Variants in SKP2 observed in about 807,000 individuals in gnomAD.
SKP2 encodes the protein S-phase kinase-associated protein 2.
In SKP2, 16 loss-of-function variants were observed where a neutral mutation model predicts 51.8. The observed-to-expected ratio is 0.31, with a 90% confidence interval of 0.21 to 0.47. The LOEUF is 0.47. Ranked by LOEUF, SKP2 falls within the 20% of genes least tolerant of loss-of-function variation. The pLI is 1.00. For synonymous variants in SKP2, 176 were observed against 198.6 expected (o/e 0.89, Z 0.96); for missense variants, 377 against 505.3 (o/e 0.75, Z 2.43).
downstream of SKP2, among the ~76,000 whole-genome samples, chr5:36,185,754 A>G (rs1175460143): frequency 6.6e-6 from 1 of 152,116 alleles, no homozygotes; most frequent in African/African-American, 2.4e-5. Context: ...TTGGTTCCAT[A>G]TGAACTTTAA....
intron 6 of SKP2, among the ~76,000 whole-genome samples, chr5:36,190,750 C>G (rs1210870929): frequency 1.3e-5 from 2 of 148,934 alleles, no homozygotes; most frequent in Admixed American, 6.7e-5. Flanking sequence ...GTCATTGATT[C>G]CTGGCCAATC....
intron 2 of SKP2, chr5:36,155,021 C>A (rs1232242157): frequency 6.6e-6 from 1 of 152,170 alleles, no homozygotes; most frequent in Non-Finnish European, 1.5e-5. Flanking sequence ...AAGATGAAGT[C>A]TTGCAGACCC....
intron 4 of SKP2, among the ~76,000 whole-genome samples, chr5:36,167,923 TC>T (rs1745341966): frequency 6.6e-6 from 1 of 152,276 alleles, no homozygotes; most frequent in South Asian, 2.1e-4. Context: ...CAGCCTGGTC[TC>T]CCTTTAAAAC....
chr5:36,177,762 T>C (rs1167245761), intron 9 of SKP2, among the ~76,000 whole-genome samples: 2 of 152,030 alleles, frequency 1.3e-5, no homozygotes, highest in African/African-American at 2.4e-5. Context: ...TGGAAAGATA[T>C]AAGCCTGTAG....
chr5:36,192,222 T>TAA (rs1326238058), intron 6 of SKP2, among the ~76,000 whole-genome samples: 4 of 152,204 alleles, frequency 2.6e-5, no homozygotes, highest in African/African-American at 7.2e-5. Flanking sequence ...CTTTTAATGT[T>TAA]AAAGTCAAGA....
At chr5:36,190,447 T>C (rs1372068628) in intron 6 of SKP2, among the ~76,000 whole-genome samples, 1 of 91,908 alleles carries the variant, frequency 1.1e-5, no homozygotes, top group South Asian at 5.5e-4. Flanking sequence ...AGGAGTATTA[T>C]CAATAAAAGT....
chr5:36,155,195 G>T (rs1285553326), intron 2 of SKP2: 7 of 138,928 alleles, frequency 5.0e-5, no homozygotes, highest in African/African-American at 1.9e-4. Flanking sequence ...AGGAAGACAT[G>T]CGGATTCGAG....
At chr5:36,161,833 G>C (rs544315083) in intron 2 of SKP2, among the ~76,000 whole-genome samples, 5 of 152,348 alleles carry the variant, frequency 3.3e-5, no homozygotes, top group African/African-American at 1.2e-4. Context: ...AGTAGGAGGA[G>C]AGAATATCAC....
chr5:36,187,187 C>G (rs536281203), downstream of SKP2, among the ~76,000 whole-genome samples: 13 of 152,004 alleles, frequency 8.6e-5, no homozygotes, highest in Admixed American at 2.6e-4. Context: ...AAAAAACCAG[C>G]TCCTGGATTC....
At chr5:36,171,148 C>T (rs1213281329) in intron 6 of SKP2, among the ~76,000 whole-genome samples, 3 of 152,166 alleles carry the variant, frequency 2.0e-5, no homozygotes, top group East Asian at 1.9e-4. Context: ...CTGAAACCCT[C>T]GTTTTTGCTC....
At chr5:36,168,835 G>A (rs1170577357) in intron 5 of SKP2, among the ~76,000 whole-genome samples, 1 of 152,234 alleles carries the variant, frequency 6.6e-6, no homozygotes, top group Non-Finnish European at 1.5e-5. Context: ...AACTATTTAT[G>A]AGCAAGACAG....
intron 5 of SKP2, 132 bp downstream of exon 5, chr5:36,168,579 T>A: frequency 1.2e-6 from 1 of 826,368 alleles, no homozygotes; most frequent in East Asian, 2.6e-5. Flanking sequence ...GTGCTCTAGC[T>A]TCTGCAAAAC....
chr5:36,171,932 G>A (rs1479657822), intron 7 of SKP2, among the ~76,000 whole-genome samples, 199 bp downstream of exon 7: 1 of 152,218 alleles, frequency 6.6e-6, no homozygotes, highest in East Asian at 1.9e-4. Flanking sequence ...GCCAAGGTTT[G>A]AATTCAGGAT....
chr5:36,180,320 A>G (rs3804437), intron 9 of SKP2: 96,105 of 1,174,108 alleles, frequency 0.082, 5,835 homozygotes, highest in South Asian at 0.22. Context: ...ATCTGTGTAT[A>G]CTGTGATCTT....
intron 2 of SKP2, among the ~76,000 whole-genome samples, chr5:36,159,341 A>C (rs2111957858): frequency 6.6e-6 from 1 of 152,076 alleles, no homozygotes; most frequent in African/African-American, 2.4e-5. Context: ...ATTGGTCCTG[A>C]TTTCTTATGT....
At chr5:36,169,504 C>A (rs1333024272) in intron 5 of SKP2, among the ~76,000 whole-genome samples, 1 of 151,754 alleles carries the variant, frequency 6.6e-6, no homozygotes, top group African/African-American at 2.4e-5. Context: ...ATGGAAGGAA[C>A]AAGTCAAGAG....
At chr5:36,170,527 T>C in intron 6 of SKP2, 85 bp downstream of exon 6, 4 of 784,912 alleles carry the variant, frequency 5.1e-6, no homozygotes, top group Non-Finnish European at 8.2e-6. Flanking sequence ...GGATGAACTT[T>C]TTGAGCTTTT....
At chr5:36,174,254 G>A (rs1745561895) in intron 7 of SKP2, among the ~76,000 whole-genome samples, 1 of 152,086 alleles carries the variant, frequency 6.6e-6, no homozygotes, top group South Asian at 2.1e-4. Flanking sequence ...TCTAGCTCAG[G>A]TTGGGTCTAC....
At chr5:36,176,710 A>G (rs1374932340) in intron 7 of SKP2, among the ~76,000 whole-genome samples, 1 of 151,830 alleles carries the variant, frequency 6.6e-6, no homozygotes, top group African/African-American at 2.4e-5. Flanking sequence ...TTATTTTTCC[A>G]GCCTGCTATT....
Sources: gnomAD v4.1 joint callset for allele counts (sites outside exome capture counted in the v4.1 genomes callset) on GRCh38, gnomAD v4.1.1 for gene constraint, MANE v1.5 for transcripts, NCBI Gene and HGNC (gene_info 2026-07-23, HGNC 2026-07-21) for gene names.